ARL5A: variants seen among roughly 807,000 people sequenced by gnomAD.
ARL5A encodes ARF like GTPase 5A.
A neutral mutation model predicts 25.9 loss-of-function variants in ARL5A; 18 were observed. The observed-to-expected ratio is 0.69, with a 90% CI of 0.48 to 1.03. The LOEUF is 1.03. Ranked by LOEUF, ARL5A falls within the 50% of genes least tolerant of loss-of-function variation. ARL5A has a pLI of 0.00. For synonymous variants in ARL5A, 61 were observed against 67.5 expected (o/e 0.90, Z 0.47); for missense variants, 170 against 211.9 (o/e 0.80, Z 1.23).
chr2:151,817,522 A>T (rs540521670), intron 1 of ARL5A, among the ~76,000 whole-genome samples: 1 of 152,214 alleles, frequency 6.6e-6, no homozygotes, highest in Non-Finnish European at 1.5e-5. Context: ...GGAAATTCCT[A>T]ATGATCTATA....
rs2099829069 is a variant in ARL5A at position 151,799,059 on chromosome 2, T to C, written c.*4217A>G. 1 of 152,234 alleles carries C rather than the reference T, an allele frequency of 6.6e-6. No individual in the cohort carries two copies. Among genetic ancestry groups the C allele is most frequent in the Non-Finnish European group, 1.5e-5 (1 of 68,026 alleles). 9.4% of individuals were successfully genotyped at this position (152,234 alleles called of 1,614,324 possible). ...AGGACTTTAGGGTTAACTAGAAAGTTACTTTTTAGCATCCAAAATTGTAAT... is the reference window on the plus strand; with the variant it reads ...AGGACTTTAGGGTTAACTAGAAAGTCACTTTTTAGCATCCAAAATTGTAAT... On this transcript the variant is annotated 3_prime_UTR_variant, in exon 6 of 6. Coordinates refer to ENST00000295087, the MANE Select transcript of ARL5A (RefSeq NM_012097.4).
chr2:151,827,100 C>G (rs1394440941), intron 1 of ARL5A, among the ~76,000 whole-genome samples: 1 of 152,166 alleles, frequency 6.6e-6, no homozygotes, highest in Non-Finnish European at 1.5e-5. Context: ...AAAACTGGGA[C>G]GTGACACCAT....
chr2:151,813,158 T>C (rs2099831070), intron 3 of ARL5A, among the ~76,000 whole-genome samples: 1 of 152,250 alleles, frequency 6.6e-6, no homozygotes, highest in South Asian at 2.1e-4. Context: ...ATGCCCAAGT[T>C]GGTTCTGACT....
At position 151,810,215 on chromosome 2, in the gene ARL5A, C is replaced by T. The variant is rs187732053; in HGVS notation, c.339+2142G>A. Among the ~76,000 whole-genome samples the T allele has an allele frequency of 1.3e-4, 20 of 152,268 alleles. 1 individual carries two copies. The South Asian group carries it at 3.7e-3, about 28-fold the overall frequency. ...TAATGAGTTCTAAAGTTGTATACTT[C>T]ATTTATGATAAAACTTTGAAAATTA... On this transcript the variant is annotated intron_variant, in intron 4 of 5. Transcript: ENST00000295087.
intron 5 of ARL5A, among the ~76,000 whole-genome samples, chr2:151,804,341 A>T (rs1578370411): frequency 6.6e-6 from 1 of 152,232 alleles, no homozygotes; most frequent in Admixed American, 6.5e-5. Flanking sequence ...GGTTGTACAC[A>T]TTAAGTTGCA....
intron 3 of ARL5A, 78 bp from the exon 4 acceptor site, chr2:151,812,518 AC>A: frequency 1.1e-6 from 1 of 895,878 alleles, no homozygotes; most frequent in South Asian, 2.1e-5. Flanking sequence ...TATTTGACAT[AC>A]AGGCTATTAA....
intron 5 of ARL5A, among the ~76,000 whole-genome samples, chr2:151,804,365 CTGTTA>C (rs1357022524): frequency 1.3e-5 from 2 of 152,094 alleles, no homozygotes; most frequent in Non-Finnish European, 2.9e-5. Context: ...AAATGAAGAA[CTGTTA>C]TAAGTATTAA....
chr2:151,805,857 A>G (rs181470928), intron 5 of ARL5A, among the ~76,000 whole-genome samples: 209 of 152,276 alleles, frequency 1.4e-3, no homozygotes, highest in African/African-American at 4.8e-3. Context: ...CAGATGCACC[A>G]TATTTTGGAA....
At chr2:151,819,502 T>C (rs2099831973) in intron 1 of ARL5A, among the ~76,000 whole-genome samples, 1 of 152,318 alleles carries the variant, frequency 6.6e-6, no homozygotes, top group African/African-American at 2.4e-5. Context: ...ATTTAAAAAT[T>C]TGTTTCCAAA....
At position 151,821,771 on chromosome 2, in the gene ARL5A, CTTTCTTTTTTTTTT is replaced by C. The variant is rs1416546460; in HGVS notation, c.46+6346_46+6359del. On this transcript the variant is annotated intron_variant, in intron 1 of 5. Transcript: ENST00000295087. The stretch of plus-strand genomic sequence containing the variant: ...TACAGGCAGGCACTACCATGCCCGG[CTTTCTTTTTTTTTT>C]TTTCTTTTTTTTTTTTTTTTTTGAG... Among the ~76,000 whole-genome samples the C allele has an allele frequency of 7.4e-5, 10 of 134,806 alleles. No individual in the cohort carries two copies. The East Asian group carries it at 1.5e-3, about 20-fold the overall frequency. 88.4% of individuals were successfully genotyped at this position (134,806 alleles called of 152,430 possible). A position where few individuals can be genotyped will look rare whatever the true frequency, so the allele number is the denominator to read the frequency against.
At position 151,814,157 on chromosome 2, in the gene ARL5A, A is replaced by G. The variant is rs764241569; in HGVS notation, c.255+12T>C. On this transcript the variant is annotated intron_variant, in intron 3 of 5. Coordinates refer to ENST00000295087, the MANE Select transcript of ARL5A (RefSeq NM_012097.4). ...CTGTTTATAGAATTTTAAATATTGT[A>G]AGAAACATTACCTCTGTGTTAGTAT... is the stretch of plus-strand genomic sequence containing the variant. The G allele has an allele frequency of 5.8e-6, 9 of 1,555,502 alleles. No homozygotes were observed. The highest frequency in any genetic ancestry group is 5.2e-6 in the Non-Finnish European group (6 of 1,159,006).
intron 1 of ARL5A, among the ~76,000 whole-genome samples, chr2:151,815,644 T>C (rs555528220): frequency 1.3e-5 from 2 of 152,310 alleles, no homozygotes; most frequent in East Asian, 3.9e-4. Flanking sequence ...AAGGTCAGTT[T>C]TTTAAATGGG....
intron 1 of ARL5A, among the ~76,000 whole-genome samples, chr2:151,819,098 C>T (rs547963384): frequency 6.6e-6 from 1 of 152,004 alleles, no homozygotes; most frequent in Non-Finnish European, 1.5e-5. Flanking sequence ...CAAAAGGAAA[C>T]AAAAACATAG....
At chr2:151,827,037 GGTA>G (rs2099833155) in intron 1 of ARL5A, among the ~76,000 whole-genome samples, 1 of 152,112 alleles carries the variant, frequency 6.6e-6, no homozygotes, top group Non-Finnish European at 1.5e-5. Flanking sequence ...AGGAGGAGGT[GGTA>G]GTAGTAGGTG....
At chr2:151,807,706 T>C (rs528660409) in intron 4 of ARL5A, among the ~76,000 whole-genome samples, 19 of 152,312 alleles carry the variant, frequency 1.2e-4, no homozygotes, top group Admixed American at 3.9e-4. Flanking sequence ...GAAGATTTCT[T>C]AGATTTGAAT....
At chr2:151,824,706 T>C (rs1452319985) in intron 1 of ARL5A, among the ~76,000 whole-genome samples, 1 of 151,578 alleles carries the variant, frequency 6.6e-6, no homozygotes, top group Non-Finnish European at 1.5e-5. Context: ...GAGTCCTTCT[T>C]ATACAAAGTC....
At position 151,828,324 on chromosome 2, in the gene ARL5A, G is replaced by A. The variant is rs2099833381; in HGVS notation, c.-148C>T. 1.5e-6 allele frequency: 1 copy of A among 671,416 alleles called. No homozygotes were observed. The highest frequency in any genetic ancestry group is 2.4e-6 in the Non-Finnish European group (1 of 421,546). The allele number at this position is 671,416 out of a possible 1,614,324, so 41.6% of individuals were successfully genotyped here. On this transcript the variant is annotated 5_prime_UTR_variant, in exon 1 of 6. Transcript: ENST00000295087. ...GCGGGCCCGCTTCCAGGGAACCGGA[G>A]GGAGGCCGAAGCCCAGGCCGCCCTG... is the stretch of plus-strand genomic sequence containing the variant.
In ARL5A at chr2:151,812,975, C is replaced by T. The variant is rs73970710; in HGVS notation, c.256-535G>A. ...TCGCCTGCTACCTGCAAGCACAACC[C>T]CTTCATAAACTGATGATGAGACTGG... On this transcript the variant is annotated intron_variant, in intron 3 of 5. Coordinates refer to ENST00000295087, the MANE Select transcript of ARL5A (RefSeq NM_012097.4). Among the ~76,000 whole-genome samples the T allele has an allele frequency of 2.6e-3, 390 of 152,218 alleles. 4 individuals are homozygous for T. The highest frequency in any genetic ancestry group is 8.9e-3 in the African/African-American group (368 of 41,524).
chr2:151,821,120 A>T lies in ARL5A; in HGVS notation c.47-5921T>A, dbSNP rs3768657. The stretch of plus-strand genomic sequence containing the variant: ...AGAAAAGCTGCTCTACTCAGTCTCT[A>T]GAACATGTCATAAACTTTCCAATCA... On this transcript the variant is annotated intron_variant, in intron 1 of 5. Coordinates refer to ENST00000295087, the MANE Select transcript of ARL5A (RefSeq NM_012097.4). Among the ~76,000 whole-genome samples the T allele has an allele frequency of 1.4e-3, 215 of 152,336 alleles. 3 individuals carry two copies. The East Asian group carries it at 0.032, about 23-fold the overall frequency.
Sources: allele counts gnomAD v4.1 joint callset (sites outside exome capture counted in the v4.1 genomes callset), GRCh38; gene constraint gnomAD v4.1.1; transcripts MANE v1.5; gene names NCBI Gene and HGNC (gene_info 2026-07-23, HGNC 2026-07-21).